The following NEU3 variants were observed in gnomAD, a reference collection of about 807,000 sequenced individuals.
The protein encoded by NEU3 is neuraminidase 3, also known as sialidase-3.
NEU3 carries 10 observed loss-of-function variants against 11.4 expected under a neutral mutation model. The ratio of observed to expected loss-of-function variants is 0.88; its 90% CI spans 0.54 to 1.49. The LOEUF is 1.49. NEU3 is among the 40% of genes most tolerant of loss of function. The probability of loss-of-function intolerance (pLI) is 0.00; values close to 1 mark genes in which losing one functional copy is unlikely to be tolerated. For synonymous variants in NEU3, 212 were observed against 228.2 expected (o/e 0.93, Z 0.64); for missense variants, 529 against 581.8 (o/e 0.91, Z 0.93).
Position 75,006,297 on chromosome 11 carries a change from C to T in NEU3, c.1191C>T (p.His397=). 1 of 1,614,020 alleles carries T rather than the reference C, an allele frequency of 6.2e-7. No individual in the cohort carries two copies. The highest frequency in any genetic ancestry group is 8.5e-7 in the Non-Finnish European group (1 of 1,179,896). Residue 397 remains histidine (H), a synonymous_variant, in exon 3 of 3, where the codon CAC becomes CAT. Coordinates refer to ENST00000294064, the MANE Select transcript of NEU3 (RefSeq NM_006656.6). Reference sequence around the variant, plus strand: ...GCTGGTCCCGCCCCTGGATCTTGCACTGTGGGCCCTGTGGCTACTCTGATC... The same window carrying T: ...GCTGGTCCCGCCCCTGGATCTTGCATTGTGGGCCCTGTGGCTACTCTGATC... ...AACWSRPWIL[H]CGPCGYSDLA...
intron 3 of NEU3, among the ~76,000 whole-genome samples, chr11:75,016,266 G>T (rs1253046180): frequency 6.6e-6 from 1 of 152,120 alleles, no homozygotes; most frequent in Non-Finnish European, 1.5e-5. Context: ...TCTGCCTTTG[G>T]TGGCCACACT....
intron 1 of NEU3, among the ~76,000 whole-genome samples, chr11:74,992,638 T>A (rs987766572): frequency 6.6e-6 from 1 of 151,968 alleles, no homozygotes; most frequent in South Asian, 2.1e-4. Flanking sequence ...TATGGCAGGG[T>A]AGCCAACCTG....
intron 2 of NEU3, 136 bp from the exon 3 acceptor site, chr11:75,005,277 G>A: frequency 1.1e-6 from 1 of 873,114 alleles, no homozygotes; most frequent in South Asian, 2.0e-5. Flanking sequence ...AGAATTTAGT[G>A]AGTAGTTAGG....
Position 74,989,058 on chromosome 11 carries a change from C to T in NEU3, c.-3C>T. 1 of 1,549,790 alleles carries T rather than the reference C, an allele frequency of 6.5e-7. No homozygotes were observed. On this transcript the variant is annotated 5_prime_UTR_variant, in exon 1 of 3. Transcript: ENST00000294064. Reference sequence around the variant, plus strand: ...GGCCGGTGCCTCTTCCGGGCTTCGGCGAATGAGACCTGCGGACCTGCCCCC... The same window carrying T: ...GGCCGGTGCCTCTTCCGGGCTTCGGTGAATGAGACCTGCGGACCTGCCCCC...
intron 2 of NEU3, among the ~76,000 whole-genome samples, chr11:75,001,406 A>G (rs1948843407): frequency 6.6e-6 from 1 of 151,316 alleles, no homozygotes; most frequent in African/African-American, 2.4e-5. Flanking sequence ...CAGCCTCCCA[A>G]GTAGCTGGGA....
upstream of NEU3, among the ~76,000 whole-genome samples, chr11:74,986,867 A>G (rs1948669164): frequency 6.6e-6 from 1 of 151,800 alleles, no homozygotes; most frequent in African/African-American, 2.4e-5. Flanking sequence ...TTAACTCATT[A>G]CTGTTTTGTT....
downstream of NEU3, among the ~76,000 whole-genome samples, chr11:75,019,914 G>A (rs1056767786): frequency 6.6e-6 from 1 of 152,182 alleles, no homozygotes; most frequent in Non-Finnish European, 1.5e-5. Context: ...CGTGCACCTG[G>A]AAAAGCTGCA....
chr11:75,011,488 A>C (rs562867922), downstream of NEU3, among the ~76,000 whole-genome samples: 22 of 152,330 alleles, frequency 1.4e-4, no homozygotes, highest in South Asian at 4.1e-4. Flanking sequence ...ATGGTGGTTC[A>C]TACCTGCAAT....
At chr11:74,980,598 C>T in the NEU3 span, among the ~76,000 whole-genome samples, 1 of 152,192 alleles carries the variant, frequency 6.6e-6, no homozygotes, top group African/African-American at 2.4e-5. Context: ...ATCCTGTCCC[C>T]ACTGACAGCC....
the NEU3 span, among the ~76,000 whole-genome samples, chr11:74,982,080 T>G: frequency 6.6e-6 from 1 of 152,210 alleles, no homozygotes; most frequent in Non-Finnish European, 1.5e-5. Context: ...GGCTGATGAA[T>G]GATTTCCCAA....
chr11:74,995,458 A>G (rs1005837873), intron 2 of NEU3, among the ~76,000 whole-genome samples: 17 of 152,170 alleles, frequency 1.1e-4, no homozygotes, highest in Non-Finnish European at 2.5e-4. Context: ...CCTGGAAGCT[A>G]CAGGGTTATT....
chr11:75,002,007 G>A (rs553068447), intron 2 of NEU3, among the ~76,000 whole-genome samples: 4 of 152,196 alleles, frequency 2.6e-5, no homozygotes, highest in Admixed American at 2.0e-4. Context: ...GGACTCTTCC[G>A]TGGGATGGGA....
the NEU3 span, among the ~76,000 whole-genome samples, chr11:74,981,977 G>C: frequency 6.6e-6 from 1 of 152,186 alleles, no homozygotes; most frequent in Admixed American, 6.5e-5. Flanking sequence ...ATTGTACTTA[G>C]GTTGTTGCTC....
chr11:74,986,878 GTTC>G (rs1948669342), upstream of NEU3, among the ~76,000 whole-genome samples: 1 of 151,726 alleles, frequency 6.6e-6, no homozygotes, highest in Non-Finnish European at 1.5e-5. Context: ...CTGTTTTGTT[GTTC>G]TTATCTCCTG....
At chr11:74,984,953 A>AT (rs1565490332), upstream of NEU3, among the ~76,000 whole-genome samples, 1 of 152,218 alleles carries the variant, frequency 6.6e-6, no homozygotes, top group Non-Finnish European at 1.5e-5. Flanking sequence ...CAGAAGTTAA[A>AT]TAAGTTGCCG....
At chr11:75,005,331 A>G in intron 2 of NEU3, 82 bp from the exon 3 acceptor site, 1 of 1,340,826 alleles carries the variant, frequency 7.5e-7, no homozygotes, top group Non-Finnish European at 1.0e-6. Flanking sequence ...TTTCTTATTT[A>G]TGAAAAATAC....
chr11:74,992,367 C>T (rs1948742356), intron 1 of NEU3, among the ~76,000 whole-genome samples: 1 of 152,214 alleles, frequency 6.6e-6, no homozygotes, highest in Non-Finnish European at 1.5e-5. Flanking sequence ...AACCTCTGAT[C>T]CTTCTCTGTC....
chr11:74,985,827 C>G (rs1190112011), upstream of NEU3, among the ~76,000 whole-genome samples: 3 of 152,286 alleles, frequency 2.0e-5, no homozygotes, highest in Middle Eastern at 3.4e-3. Context: ...TAGAGAGTAC[C>G]CACAGTTTAT....
rs1250416401 is a variant in NEU3, at chr11:75,006,463, A to G, written c.1357A>G (p.Arg453Gly). 2 of 1,613,222 alleles carry G rather than the reference A, an allele frequency of 1.2e-6. No homozygotes were observed. The highest frequency in any genetic ancestry group is 1.7e-6 in the Non-Finnish European group (2 of 1,179,468). Residue 453 changes from arginine to glycine, a missense_variant, in exon 3 of 3, where the codon AGG becomes GGG. Physicochemically the swap from Arg to Gly is moderately radical, Grantham distance 125. Transcript: ENST00000294064. ...GCAGGGGGACTGCACCAGCCCTGGT[A>G]GGAACCCAAGCCAATTCAAAAGCAA... Reference protein sequence around the residue: ...HLQGDCTSPGRNPSQFKSN With the variant: ...HLQGDCTSPGGNPSQFKSN
Sources: gnomAD v4.1 joint callset for allele counts (sites outside exome capture counted in the v4.1 genomes callset) on GRCh38, gnomAD v4.1.1 for gene constraint, MANE v1.5 for transcripts, NCBI Gene and HGNC (gene_info 2026-07-23, HGNC 2026-07-21) for gene names.